The following PPP1R3A variants were observed in gnomAD, a reference collection of about 807,000 sequenced individuals.
The protein encoded by PPP1R3A is protein phosphatase 1 regulatory subunit 3A.
In PPP1R3A, 29 loss-of-function variants were observed where a neutral mutation model predicts 41.7. The ratio of observed to expected loss-of-function variants is 0.70; its 90% CI spans 0.52 to 0.95. The LOEUF (loss-of-function observed/expected upper bound fraction) is 0.95. Ranked by LOEUF, PPP1R3A falls within the 40% of genes least tolerant of loss-of-function variation. The probability of loss-of-function intolerance (pLI) is 0.00; values close to 1 mark genes in which losing one functional copy is unlikely to be tolerated. For synonymous variants in PPP1R3A, 485 were observed against 453.4 expected, an observed-to-expected ratio of 1.07 and a Z score of -0.89; for missense variants, 1,352 against 1,292.4, an observed-to-expected ratio of 1.05 and a Z score of -0.71.
rs762341708 is a variant in PPP1R3A at position 113,918,374 on chromosome 7, C to A, written c.623G>T (p.Cys208Phe). The change falls in exon 1 of 4, where the codon TGT becomes TTT. Residue 208 changes from cysteine to phenylalanine, a missense_variant. Cys to Phe is a radical substitution (Grantham distance 205, BLOSUM62 -2). Transcript: ENST00000284601. ...YQKDGSKVEFCIRYETSVGTF... is the reference protein window; with the variant it reads ...YQKDGSKVEFFIRYETSVGTF... Reference sequence around the variant, plus strand: ...ACCAACAGAAGTTTCATAACGTATACAAAACTCAACTTTACTGCCATCTTT... The same window carrying A: ...ACCAACAGAAGTTTCATAACGTATAAAAAACTCAACTTTACTGCCATCTTT... 2.7e-5 allele frequency: 43 copies of A among 1,613,212 alleles called. No individual in the cohort carries two copies. The highest frequency in any genetic ancestry group is 1.6e-4 in the Middle Eastern group (1 of 6,080).
Position 113,879,614 on chromosome 7 carries a change from G to C in PPP1R3A, c.1478C>G (p.Thr493Arg), listed in dbSNP as rs142774244. 3.7e-6 allele frequency: 6 copies of C among 1,613,014 alleles called. No homozygotes were observed. In the African/African-American group the frequency reaches 6.7e-5, roughly 18 times the overall value. ...GCLRRDFHSD[T>R]SACLKESTEE... ...TGTTGATTCTTTGAGACATGCCGAC[G>C]TATCTGAATGGAAATCTCTTCGTAA... Residue 493 changes from threonine (T) to arginine (R), a missense_variant, in exon 4 of 4, where the codon ACG (threonine) becomes AGG (arginine). Thr to Arg is a moderately conservative substitution (Grantham distance 71). Transcript: ENST00000284601.
chr7:113,881,979 G>A, intron 3 of PPP1R3A, 60 bp downstream of exon 3: 1 of 1,594,412 alleles, frequency 6.3e-7, no homozygotes, highest in Non-Finnish European at 8.6e-7. Context: ...AGGCATTGCA[G>A]CATCTTTGAA....
At chr7:113,898,964 A>G (rs933950024) in intron 1 of PPP1R3A, among the ~76,000 whole-genome samples, 1 of 151,814 alleles carries the variant, frequency 6.6e-6, no homozygotes, top group Non-Finnish European at 1.5e-5. Context: ...TTAAAATGTA[A>G]TCATCAGGAA....
chr7:113,894,381 G>A (rs1344198970), intron 1 of PPP1R3A, among the ~76,000 whole-genome samples: 4 of 151,956 alleles, frequency 2.6e-5, no homozygotes, highest in Admixed American at 1.3e-4. Flanking sequence ...ATACTTCAGA[G>A]AGATACCATT....
At chr7:113,904,917 C>T (rs1338005503) in intron 1 of PPP1R3A, among the ~76,000 whole-genome samples, 8 of 151,526 alleles carry the variant, frequency 5.3e-5, no homozygotes, top group Non-Finnish European at 7.4e-5. Flanking sequence ...AGGAAAACAA[C>T]AAAATGTATC....
At chr7:113,913,636 C>G (rs930943786) in intron 1 of PPP1R3A, among the ~76,000 whole-genome samples, 2 of 151,954 alleles carry the variant, frequency 1.3e-5, no homozygotes, top group Admixed American at 6.6e-5. Context: ...AATACAAAAC[C>G]AGATGAACTC....
rs933681976 is a variant in PPP1R3A, at chr7:113,916,144, G to A, written c.782+2071C>T. ...AAATGCTTTTTTCAAAATGTGGTTC[G>A]AATTATGTTGGTCATTTTTAAGTTA... On this transcript the variant is annotated intron_variant, in intron 1 of 3. Coordinates refer to ENST00000284601, the MANE Select transcript of PPP1R3A (RefSeq NM_002711.4). Among the ~76,000 whole-genome samples the A allele has an allele frequency of 2.6e-5, 4 of 151,938 alleles. No homozygotes were observed. In the East Asian group the frequency reaches 5.8e-4, roughly 22 times the overall value.
chr7:113,894,437 C>T (rs949394488), intron 1 of PPP1R3A, among the ~76,000 whole-genome samples: 2 of 151,830 alleles, frequency 1.3e-5, no homozygotes, highest in Admixed American at 6.6e-5. Flanking sequence ...ATTTTACCTG[C>T]GTTCTTAAAC....
At chr7:113,905,185 C>T (rs1018701456) in intron 1 of PPP1R3A, among the ~76,000 whole-genome samples, 2 of 151,496 alleles carry the variant, frequency 1.3e-5, no homozygotes, top group Non-Finnish European at 3.0e-5. Context: ...ATTATTTTTG[C>T]TATATAAAAT....
rs1359382181 is a variant in PPP1R3A, at chr7:113,879,751, G to C, written c.1341C>G (p.Gly447=). Residue 447 remains glycine (G), a synonymous_variant, in exon 4 of 4, where the codon GGC becomes GGG. Coordinates refer to ENST00000284601, the MANE Select transcript of PPP1R3A (RefSeq NM_002711.4). ...VLDDNANPAH[G]NGTVQIPCPS... ...GGCAAGGTATTTGCACTGTGCCATT[G>C]CCATGGGCTGGATTAGCATTATCAT... The C allele has an allele frequency of 6.2e-7, 1 of 1,613,288 alleles. No individual in the cohort carries two copies. Among genetic ancestry groups the C allele is most frequent in the Middle Eastern group, 1.7e-4 (1 of 6,052 alleles).
In PPP1R3A at chr7:113,877,473, C is replaced by G; in HGVS notation, c.*250G>C. The G allele has an allele frequency of 2.7e-6, 1 of 363,788 alleles. No individual in the cohort carries two copies. The highest frequency in any genetic ancestry group is 4.9e-6 in the Non-Finnish European group (1 of 203,448). The allele number at this position is 363,788 out of a possible 1,614,324, so 22.5% of individuals were successfully genotyped here. A position where few individuals can be genotyped will look rare whatever the true frequency, so the allele number is the denominator to read the frequency against. ...AACTTCATAGCCTGCTAAGGAGCAA[C>G]AGCTGTACCTAATTTCAACTTGACG... On this transcript the variant is annotated 3_prime_UTR_variant, in exon 4 of 4. Transcript: ENST00000284601.
intron 1 of PPP1R3A, among the ~76,000 whole-genome samples, chr7:113,912,290 C>T (rs1000537980): frequency 1.3e-5 from 2 of 152,054 alleles, no homozygotes; most frequent in African/African-American, 4.8e-5. Flanking sequence ...ACTCAAAGTG[C>T]CTCTGTGCAA....
chr7:113,914,165 T>G (rs990677973), intron 1 of PPP1R3A, among the ~76,000 whole-genome samples: 2 of 152,166 alleles, frequency 1.3e-5, no homozygotes, highest in African/African-American at 4.8e-5. Flanking sequence ...TATCCTCATG[T>G]GTGTCTAACA....
Position 113,877,083 on chromosome 7 carries a change from A to G in PPP1R3A, c.*640T>C, listed in dbSNP as rs1381354284. 1 of 151,882 alleles carries G rather than the reference A, an allele frequency of 6.6e-6. No individual in the cohort carries two copies. Among genetic ancestry groups the G allele is most frequent in the Non-Finnish European group, 1.5e-5 (1 of 67,904 alleles). The allele number at this position is 151,882 out of a possible 1,614,324, so 9.4% of individuals were successfully genotyped here. On this transcript the variant is annotated 3_prime_UTR_variant, in exon 4 of 4. Coordinates refer to ENST00000284601, the MANE Select transcript of PPP1R3A (RefSeq NM_002711.4). ...GTTTCAGTCTTGTCAGATTTTGCCT[A>G]TGAACGCCCTGACTTTGTAGCTATA...
intron 1 of PPP1R3A, among the ~76,000 whole-genome samples, chr7:113,904,500 C>A (rs114594357): frequency 6.6e-6 from 1 of 151,656 alleles, no homozygotes; most frequent in Non-Finnish European, 1.5e-5. Context: ...TGGTAAAACA[C>A]CATAAAACTC....
At chr7:113,884,789 C>A (rs1796753412) in intron 1 of PPP1R3A, among the ~76,000 whole-genome samples, 2 of 151,888 alleles carry the variant, frequency 1.3e-5, no homozygotes, top group African/African-American at 4.8e-5. Context: ...TACACAAAAT[C>A]AACACAAATA....
chr7:113,878,887 T>C lies in PPP1R3A; in HGVS notation c.2205A>G (p.Thr735=). Residue 735 remains threonine, a synonymous_variant, in exon 4 of 4, where the codon ACA becomes ACG. Coordinates refer to ENST00000284601, the MANE Select transcript of PPP1R3A (RefSeq NM_002711.4). ...AEAGTAYIIK[T]TSESTPESMS... ...TGCTTTCTGGAGTACTTTCTGATGTTGTCTTAATTATATAGGCTGTACCAG... is the reference window on the plus strand; with the variant it reads ...TGCTTTCTGGAGTACTTTCTGATGTCGTCTTAATTATATAGGCTGTACCAG... 6.2e-7 allele frequency: 1 copy of C among 1,613,040 alleles called. No homozygotes were observed. The highest frequency in any genetic ancestry group is 8.5e-7 in the Non-Finnish European group (1 of 1,179,778).
chr7:113,891,103 A>C lies in PPP1R3A; in HGVS notation c.783-8783T>G, dbSNP rs1434676854. ...AAAAAGCAAAAAAAAAAAAAAAAAAAAAAAAAAAAAACCCTGCATGCAAAT... is the reference window on the plus strand; with the variant it reads ...AAAAAGCAAAAAAAAAAAAAAAAAACAAAAAAAAAAACCCTGCATGCAAAT... On this transcript the variant is annotated intron_variant, in intron 1 of 3. Transcript: ENST00000284601. Among the ~76,000 whole-genome samples the C allele has an allele frequency of 3.3e-5, 5 of 150,176 alleles. 1 individual carries two copies. Among genetic ancestry groups the C allele is most frequent in the Non-Finnish European group, 4.4e-5 (3 of 67,466 alleles).
At chr7:113,915,581 A>G (rs1355934841) in intron 1 of PPP1R3A, among the ~76,000 whole-genome samples, 1 of 148,260 alleles carries the variant, frequency 6.7e-6, no homozygotes, top group Non-Finnish European at 1.5e-5. Context: ...ATATACATAC[A>G]TATACATACA....
Sources: allele counts gnomAD v4.1 joint callset (sites outside exome capture counted in the v4.1 genomes callset), GRCh38; gene constraint gnomAD v4.1.1; transcripts MANE v1.5; gene names NCBI Gene and HGNC (gene_info 2026-07-23, HGNC 2026-07-21).